ARRDC5: variants seen among roughly 807,000 people sequenced by gnomAD.
ARRDC5 encodes arrestin domain containing 5, also known as arrestin domain-containing protein 5.
A neutral mutation model predicts 13.3 loss-of-function variants in ARRDC5; 12 were observed. The observed-to-expected ratio is 0.90, with a 90% CI of 0.58 to 1.46. ARRDC5 has a LOEUF of 1.46. ARRDC5 is among the 40% of genes most tolerant of loss of function. ARRDC5 has a pLI of 0.00. For missense variants in ARRDC5, 406 were observed against 418.7 expected (o/e 0.97, Z 0.26); for synonymous variants, 181 against 173.4 (o/e 1.04, Z -0.34).
At chr19:4,909,313 G>A in the ARRDC5 span, 1 of 549,594 alleles carries the variant, frequency 1.8e-6, no homozygotes, top group South Asian at 2.2e-5. Flanking sequence ...GCCCAGCAGA[G>A]CGCGCAGGGC....
the ARRDC5 span, among the ~76,000 whole-genome samples, chr19:4,908,402 G>C: frequency 6.6e-6 from 1 of 152,038 alleles, no homozygotes; most frequent in Admixed American, 6.6e-5. Flanking sequence ...GCTCTCAAGG[G>C]AAAGACCAAA....
chr19:4,908,962 G>A, the ARRDC5 span, among the ~76,000 whole-genome samples: 3 of 152,232 alleles, frequency 2.0e-5, no homozygotes, highest in Admixed American at 6.5e-5. Flanking sequence ...TGGAGAAGGC[G>A]GGAAAACGAG....
chr19:4,908,804 T>C, the ARRDC5 span, among the ~76,000 whole-genome samples: 2 of 152,194 alleles, frequency 1.3e-5, no homozygotes, highest in South Asian at 4.1e-4. Context: ...GGGTCTGCCA[T>C]GTACACCGCT....
At chr19:4,904,016 G>A (rs1367914622), upstream of ARRDC5, among the ~76,000 whole-genome samples, 3 of 149,554 alleles carry the variant, frequency 2.0e-5, no homozygotes, top group Non-Finnish European at 4.5e-5. Flanking sequence ...TCACTCTGTT[G>A]CCCAGGCTGG....
At chr19:4,914,822 C>T in the ARRDC5 span, among the ~76,000 whole-genome samples, 2 of 152,194 alleles carry the variant, frequency 1.3e-5, no homozygotes, top group African/African-American at 2.4e-5. Flanking sequence ...CTAATACCCA[C>T]CACGCTGCAG....
the ARRDC5 span, chr19:4,909,431 C>T: frequency 6.1e-6 from 4 of 651,300 alleles, no homozygotes; most frequent in South Asian, 1.6e-5. Flanking sequence ...AGGAGGCAGG[C>T]GCCCGCCCCC....
the ARRDC5 span, chr19:4,909,818 C>A: frequency 2.3e-6 from 1 of 427,780 alleles, no homozygotes; most frequent in Admixed American, 4.5e-5. Flanking sequence ...GAATCGTTCC[C>A]CGGCACACAT....
intron 1 of ARRDC5, among the ~76,000 whole-genome samples, chr19:4,898,774 G>A (rs537923965): frequency 1.0e-4 from 15 of 150,684 alleles, no homozygotes; most frequent in African/African-American, 2.9e-4. Context: ...CTACAGGCGC[G>A]TGTCACCACA....
chr19:4,907,219 C>T (rs1459816650), upstream of ARRDC5, among the ~76,000 whole-genome samples: 1 of 152,178 alleles, frequency 6.6e-6, no homozygotes, highest in African/African-American at 2.4e-5. Context: ...AAGTGATTCT[C>T]CTGCCTCAAT....
the ARRDC5 span, among the ~76,000 whole-genome samples, chr19:4,913,700 C>G: frequency 7.2e-5 from 11 of 151,958 alleles, no homozygotes; most frequent in Non-Finnish European, 1.6e-4. Context: ...CACTGAATTT[C>G]GTCTCCCAGG....
At chr19:4,891,712 C>T (rs1223892462) in intron 2 of ARRDC5, 139 bp from the exon 3 acceptor site, 3 of 726,728 alleles carry the variant, frequency 4.1e-6, no homozygotes, top group Middle Eastern at 4.0e-4. Flanking sequence ...ATCCCAACAC[C>T]TTGGGAGGCC....
chr19:4,896,837 T>C lies in ARRDC5; in HGVS notation c.293A>G (p.His98Arg), dbSNP rs1023635078. 6.2e-7 allele frequency: 1 copy of C among 1,613,672 alleles called. No individual in the cohort carries two copies. Among genetic ancestry groups the C allele is most frequent in the South Asian group, 1.1e-5 (1 of 91,068 alleles). ...AGGAAGCCTGGGAGGTAAGTTGAAA[T>C]GGAAGTCAAAGGTGTGGCTGCCTGC... The part of the protein sequence containing the change: ...LSAGSHTFDF[H>R]FNLPPRLPST... Residue 98 changes from histidine to arginine, a missense_variant, in exon 2 of 3, where the codon CAT becomes CGT. His to Arg is a conservative substitution (Grantham distance 29). Coordinates refer to ENST00000650722, the MANE Select transcript of ARRDC5 (RefSeq NM_001080523.3).
At chr19:4,908,025 T>C in the ARRDC5 span, among the ~76,000 whole-genome samples, 1 of 152,180 alleles carries the variant, frequency 6.6e-6, no homozygotes, top group Non-Finnish European at 1.5e-5. Context: ...GGCCTGATCA[T>C]TGTAAAGCCT....
rs766534695 is a variant in ARRDC5 at position 4,891,586 on chromosome 19, G to A, written c.460-13C>T. 3 of 1,601,272 alleles carry A rather than the reference G, an allele frequency of 1.9e-6. No individual in the cohort carries two copies. Among genetic ancestry groups the A allele is most frequent in the Non-Finnish European group, 2.6e-6 (3 of 1,173,472 alleles). ...CGAACAAGGGGTTCTAGGAGGATGT[G>A]GGGGAACAGACAACCGTGAGGGACC... On this transcript the variant is annotated splice_polypyrimidine_tract_variant and intron_variant, in intron 2 of 2. Coordinates refer to ENST00000650722, the MANE Select transcript of ARRDC5 (RefSeq NM_001080523.3).
upstream of ARRDC5, among the ~76,000 whole-genome samples, chr19:4,904,643 C>T (rs370175077): frequency 1.4e-4 from 22 of 152,312 alleles, no homozygotes; most frequent in Middle Eastern, 3.4e-3. Context: ...CCTGCATCTC[C>T]CCCATTGGAT....
the ARRDC5 span, among the ~76,000 whole-genome samples, chr19:4,916,520 C>T: frequency 6.6e-5 from 10 of 152,250 alleles, no homozygotes; most frequent in South Asian, 2.1e-3. Flanking sequence ...CACTGACCCC[C>T]GAAGTGCCGC....
upstream of ARRDC5, among the ~76,000 whole-genome samples, chr19:4,906,007 C>G (rs2146265999): frequency 6.6e-6 from 1 of 152,216 alleles, no homozygotes; most frequent in South Asian, 2.1e-4. Flanking sequence ...GACAGAGTCT[C>G]CTTCTGTCAC....
Position 4,891,273 on chromosome 19 carries a change from C to T in ARRDC5, c.760G>A (p.Val254Ile), listed in dbSNP as rs1274811532. The change falls in exon 3 of 3, where the codon GTC becomes ATC. Residue 254 changes from valine to isoleucine, a missense_variant. Physicochemically the swap from Val to Ile is conservative, Grantham distance 29 (BLOSUM62 3). Transcript: ENST00000650722. ...AGCAACGGCAGGTTGAAGGTGCTGA[C>T]AACCTTGGTGGTGTTGAAGCGGGTC... ...PVTRFNTTKV[V>I]STFNLPLLLS... is the part of the protein sequence containing the mutation. 6 of 1,613,856 alleles carry T rather than the reference C, an allele frequency of 3.7e-6. No homozygotes were observed. The highest frequency in any genetic ancestry group is 1.3e-5 in the African/African-American group (1 of 74,922).
intron 2 of ARRDC5, among the ~76,000 whole-genome samples, chr19:4,895,443 A>AAAAAG: frequency 6.6e-6 from 1 of 150,966 alleles, no homozygotes; most frequent in Admixed American, 6.6e-5. Flanking sequence ...AAAAAAAAAA[A>AAAAAG]AAAAGAAAGA....
Sources: gnomAD v4.1 joint callset for allele counts (sites outside exome capture counted in the v4.1 genomes callset) on GRCh38, gnomAD v4.1.1 for gene constraint, MANE v1.5 for transcripts, NCBI Gene and HGNC (gene_info 2026-07-23, HGNC 2026-07-21) for gene names.